Variants in NCOA5 observed in about 807,000 individuals in gnomAD.
The protein encoded by NCOA5 is nuclear receptor coactivator 5.
A neutral mutation model predicts 59.0 loss-of-function variants in NCOA5; 12 were observed. The observed-to-expected ratio is 0.20, with a 90% CI of 0.13 to 0.33. The LOEUF (loss-of-function observed/expected upper bound fraction) is 0.33, where lower values mean the gene tolerates loss of function less well. Among genes scored for constraint, NCOA5 ranks in the 10% least tolerant of loss-of-function variants. The pLI, the probability that NCOA5 is intolerant of heterozygous loss-of-function variation, is 1.00. For synonymous variants in NCOA5, 270 were observed against 275.5 expected (o/e 0.98, Z 0.20); for missense variants, 655 against 766.6 (o/e 0.85, Z 1.72).
intron 1 of NCOA5, among the ~76,000 whole-genome samples, chr20:46,086,901 T>C (rs1404077285): frequency 7.2e-5 from 11 of 152,246 alleles, no homozygotes; most frequent in Non-Finnish European, 1.5e-5. Flanking sequence ...ATTTAGCACA[T>C]AAATGCCTCT....
intron 2 of NCOA5, among the ~76,000 whole-genome samples, chr20:46,075,489 G>GAT (rs1351256516): frequency 5.3e-5 from 8 of 152,172 alleles, no homozygotes; most frequent in Non-Finnish European, 1.0e-4. Flanking sequence ...CTGATGAGCC[G>GAT]ATACCCAATG....
intron 2 of NCOA5, among the ~76,000 whole-genome samples, chr20:46,072,855 C>CT (rs1366777270): frequency 6.6e-6 from 1 of 152,334 alleles, no homozygotes; most frequent in African/African-American, 2.4e-5. Context: ...GTCTGCCCTA[C>CT]TAGACTACAA....
intron 2 of NCOA5, 85 bp from the exon 3 acceptor site, chr20:46,070,621 C>T (rs2084873195): frequency 1.5e-6 from 2 of 1,293,188 alleles, no homozygotes; most frequent in East Asian, 2.3e-5. Flanking sequence ...AACCCCCACC[C>T]TCCAAGCATT....
intron 2 of NCOA5, among the ~76,000 whole-genome samples, chr20:46,075,391 C>T (rs1405460171): frequency 6.6e-6 from 1 of 152,058 alleles, no homozygotes; most frequent in African/African-American, 2.4e-5. Context: ...AACCAGGGAG[C>T]AAGCAATAAT....
At chr20:46,075,305 T>C (rs1197574942) in intron 2 of NCOA5, among the ~76,000 whole-genome samples, 1 of 152,244 alleles carries the variant, frequency 6.6e-6, no homozygotes, top group African/African-American at 2.4e-5. Context: ...AACTGATGAC[T>C]TCTTCAAGTG....
At chr20:46,074,070 G>A (rs545673417) in intron 2 of NCOA5, among the ~76,000 whole-genome samples, 8 of 152,324 alleles carry the variant, frequency 5.3e-5, no homozygotes, top group African/African-American at 1.9e-4. Flanking sequence ...CAAAAGGAAA[G>A]GCAAAGCCTT....
At chr20:46,086,605 A>G (rs1600636414) in intron 1 of NCOA5, among the ~76,000 whole-genome samples, 1 of 152,204 alleles carries the variant, frequency 6.6e-6, no homozygotes, top group African/African-American at 2.4e-5. Context: ...TGCTCTTTTA[A>G]CTTTTTGACA....
intron 1 of NCOA5, among the ~76,000 whole-genome samples, chr20:46,084,235 C>A (rs763086014): frequency 8.2e-4 from 125 of 152,292 alleles, no homozygotes; most frequent in Non-Finnish European, 1.3e-3. Flanking sequence ...AAGTGACAGG[C>A]CACACAATTA....
chr20:46,079,537 A>G (rs2084970138), intron 1 of NCOA5, 84 bp from the exon 2 acceptor site: 1 of 1,092,608 alleles, frequency 9.2e-7, no homozygotes, highest in East Asian at 2.5e-5. Flanking sequence ...AGCAACAACA[A>G]CAAAAACTAC....
intron 2 of NCOA5, 93 bp downstream of exon 2, chr20:46,079,294 G>C: frequency 2.5e-6 from 3 of 1,199,444 alleles, no homozygotes; most frequent in Admixed American, 3.5e-5. Flanking sequence ...TTCACTTGTT[G>C]GGGGGAAGAA....
At chr20:46,083,998 T>C (rs2085020342) in intron 1 of NCOA5, among the ~76,000 whole-genome samples, 1 of 152,220 alleles carries the variant, frequency 6.6e-6, no homozygotes, top group Non-Finnish European at 1.5e-5. Context: ...TCCTTTATTC[T>C]CCAACTAAAA....
At chr20:46,089,603 C>A (rs535253710) in intron 1 of NCOA5, among the ~76,000 whole-genome samples, 1 of 152,072 alleles carries the variant, frequency 6.6e-6, no homozygotes, top group Non-Finnish European at 1.5e-5. Context: ...TAGGCCGCCT[C>A]GGCCGGCCGG....
chr20:46,080,491 C>G (rs77474953), intron 1 of NCOA5, among the ~76,000 whole-genome samples: 1,844 of 152,174 alleles, frequency 0.012, 38 homozygotes, highest in African/African-American at 0.043. Context: ...TAAGTACTCA[C>G]ATAATTCGAG....
In NCOA5 at chr20:46,089,937, G is replaced by A. The variant is rs1157850895; in HGVS notation, c.-150C>T. On this transcript the variant is annotated 5_prime_UTR_variant, in exon 1 of 8. Transcript: ENST00000290231. ...GCCACCAACCGACCGGCGCGGGCAC[G>A]AGGCAATGGCGGCCGGGCGGAGAGT... The A allele has an allele frequency of 2.0e-5, 3 of 152,362 alleles. No individual in the cohort carries two copies. Among genetic ancestry groups the A allele is most frequent in the African/African-American group, 4.8e-5 (2 of 41,588 alleles). The allele number at this position is 152,362 out of a possible 1,614,324, so 9.4% of individuals were successfully genotyped here.
At chr20:46,065,420 C>T (rs187840054) in intron 5 of NCOA5, among the ~76,000 whole-genome samples, 192 bp from the exon 6 acceptor site, 33 of 152,266 alleles carry the variant, frequency 2.2e-4, no homozygotes, top group Admixed American at 1.8e-3. Context: ...CTTGAGATCA[C>T]GTCAGAAGTT....
intron 1 of NCOA5, among the ~76,000 whole-genome samples, chr20:46,085,063 C>T (rs1303723671): frequency 2.0e-5 from 3 of 152,202 alleles, no homozygotes; most frequent in African/African-American, 7.2e-5. Context: ...AGGGTCTCAG[C>T]TCTGTTGTCC....
At chr20:46,084,461 G>A (rs1250755778) in intron 1 of NCOA5, among the ~76,000 whole-genome samples, 2 of 152,230 alleles carry the variant, frequency 1.3e-5, no homozygotes, top group African/African-American at 4.8e-5. Context: ...CAACAGGGTA[G>A]AACCTACTTA....
intron 3 of NCOA5, among the ~76,000 whole-genome samples, chr20:46,068,975 TA>T (rs765061367): frequency 6.6e-6 from 1 of 151,848 alleles, no homozygotes; most frequent in Admixed American, 6.6e-5. Context: ...TTATTATTAT[TA>T]TTTTTTTTTT....
intron 2 of NCOA5, among the ~76,000 whole-genome samples, chr20:46,072,343 G>C (rs1463647187): frequency 6.6e-6 from 1 of 152,034 alleles, no homozygotes; most frequent in Non-Finnish European, 1.5e-5. Context: ...TTTTTATAGG[G>C]ATGAGATCTC....
Sources: gnomAD v4.1 joint callset for allele counts (sites outside exome capture counted in the v4.1 genomes callset) on GRCh38, gnomAD v4.1.1 for gene constraint, MANE v1.5 for transcripts, NCBI Gene and HGNC (gene_info 2026-07-23, HGNC 2026-07-21) for gene names.